The following GABRA2 variants were observed in gnomAD, a reference collection of about 807,000 sequenced individuals.
The protein encoded by GABRA2 is gamma-aminobutyric acid receptor subunit alpha-2.
GABRA2 carries 16 observed loss-of-function variants against 48.7 expected under a neutral mutation model. That is an observed-to-expected ratio of 0.33 (90% CI 0.22 to 0.50). GABRA2 has a LOEUF of 0.50. Among genes scored for constraint, GABRA2 ranks in the 20% least tolerant of loss-of-function variants. The pLI is 0.98. For missense variants in GABRA2, 275 were observed against 535.6 expected, an observed-to-expected ratio of 0.51 and a Z score of 4.80; for synonymous variants, 185 against 184.5, an observed-to-expected ratio of 1.00 and a Z score of -0.02.
At chr4:46,285,401 A>T in intron 8 of GABRA2, among the ~76,000 whole-genome samples, 1 of 152,060 alleles carries the variant, frequency 6.6e-6, no homozygotes. Flanking sequence ...ATAACCTGGC[A>T]GCCTTGACAC....
chr4:46,272,264 G>C (rs750618374), intron 8 of GABRA2, among the ~76,000 whole-genome samples: 1 of 152,042 alleles, frequency 6.6e-6, no homozygotes, highest in East Asian at 1.9e-4. Context: ...ATATGGATTA[G>C]AGCCAGTGTG....
At chr4:46,278,008 A>G (rs1014982339) in intron 8 of GABRA2, among the ~76,000 whole-genome samples, 3 of 152,148 alleles carry the variant, frequency 2.0e-5, no homozygotes, top group Admixed American at 1.3e-4. Flanking sequence ...GTCTCATGTA[A>G]CTCTATCTTA....
chr4:46,368,069 T>C (rs1714318110), intron 3 of GABRA2: 1 of 152,024 alleles, frequency 6.6e-6, no homozygotes, highest in South Asian at 2.1e-4. Context: ...GTGGTGGAAG[T>C]CCATCAATCC....
intron 3 of GABRA2, among the ~76,000 whole-genome samples, chr4:46,349,682 C>T (rs541468846): frequency 1.3e-5 from 2 of 151,956 alleles, no homozygotes; most frequent in East Asian, 1.9e-4. Context: ...CCCTGGATCT[C>T]CTGGATCAGT....
chr4:46,349,620 G>T (rs148199094), intron 3 of GABRA2, among the ~76,000 whole-genome samples: 2 of 152,056 alleles, frequency 1.3e-5, no homozygotes, highest in East Asian at 1.9e-4. Flanking sequence ...ACATTCCAAA[G>T]TTAAATGCAT....
chr4:46,341,138 C>T (rs2109854435), intron 3 of GABRA2, among the ~76,000 whole-genome samples: 1 of 152,000 alleles, frequency 6.6e-6, no homozygotes, highest in South Asian at 2.1e-4. Flanking sequence ...TGTTTTTATA[C>T]TTTCCTTTTA....
rs558830198 is a variant in GABRA2, at chr4:46,246,854, G to A, written c.*3454C>T. 6.6e-6 allele frequency among the ~76,000 whole-genome samples: 1 copy of A among 151,198 alleles called. No homozygotes were observed. The highest frequency in any genetic ancestry group is 1.5e-5 in the Non-Finnish European group (1 of 67,382). ...CCAAAGAACCATGATAATGCAGAAG[G>A]TGACTTGAGCTACTTCCTTTCTTCT... On this transcript the variant is annotated 3_prime_UTR_variant, in exon 10 of 10. Coordinates refer to ENST00000381620, the MANE Select transcript of GABRA2 (RefSeq NM_000807.4).
intron 7 of GABRA2, 60 bp downstream of exon 7, chr4:46,305,508 A>G: frequency 6.7e-7 from 1 of 1,486,292 alleles, no homozygotes; most frequent in South Asian, 1.2e-5. Context: ...CACACTTCCA[A>G]GTCCTTTAAC....
intron 3 of GABRA2, 22 bp downstream of exon 3, chr4:46,386,052 A>G (rs1337623103): frequency 3.4e-6 from 5 of 1,455,060 alleles, no homozygotes; most frequent in African/African-American, 1.4e-5. Flanking sequence ...CGAGAGTTTT[A>G]AAAGAGGAAA....
At chr4:46,371,290 A>G (rs1339880217) in intron 3 of GABRA2, among the ~76,000 whole-genome samples, 1 of 152,190 alleles carries the variant, frequency 6.6e-6, no homozygotes, top group East Asian at 1.9e-4. Context: ...ATCTCTCCAA[A>G]GGGTAAATTT....
In GABRA2 at chr4:46,323,061, T is replaced by C. The variant is rs1362529238; in HGVS notation, c.255+9554A>G. Among the ~76,000 whole-genome samples, 5 of 151,912 alleles carry C rather than the reference T, an allele frequency of 3.3e-5. No homozygotes were observed. The East Asian group carries it at 9.7e-4, about 30-fold the overall frequency. Reference sequence around the variant, plus strand: ...ATTGTTGTCTTTTACAGAATGTATATAGTATAATAATTATATTTTAAAGAA... The same window carrying C: ...ATTGTTGTCTTTTACAGAATGTATACAGTATAATAATTATATTTTAAAGAA... On this transcript the variant is annotated intron_variant, in intron 4 of 9. Transcript: ENST00000381620.
chr4:46,274,565 T>C (rs1334963361), intron 8 of GABRA2, among the ~76,000 whole-genome samples: 2 of 152,144 alleles, frequency 1.3e-5, no homozygotes, highest in Non-Finnish European at 2.9e-5. Context: ...GCCACAGCAA[T>C]GATGTGACTT....
chr4:46,307,930 G>T (rs1162789471), intron 6 of GABRA2, among the ~76,000 whole-genome samples: 1 of 152,120 alleles, frequency 6.6e-6, no homozygotes, highest in Non-Finnish European at 1.5e-5. Context: ...TAAGCCGAGA[G>T]GTCATAATAA....
intron 8 of GABRA2, among the ~76,000 whole-genome samples, chr4:46,270,712 T>C (rs2109398659): frequency 6.6e-6 from 1 of 152,140 alleles, no homozygotes; most frequent in Admixed American, 6.6e-5. Context: ...TATATTTTGG[T>C]TTATTTTACA....
chr4:46,284,784 ATTTTT>A (rs1376187122), intron 8 of GABRA2, among the ~76,000 whole-genome samples: 1 of 151,976 alleles, frequency 6.6e-6, no homozygotes, highest in Admixed American at 6.6e-5. Flanking sequence ...GAGCATATTA[ATTTTT>A]TAAAAAAAAT....
intron 8 of GABRA2, among the ~76,000 whole-genome samples, chr4:46,264,014 T>C (rs889529184): frequency 1.3e-5 from 2 of 151,932 alleles, no homozygotes; most frequent in African/African-American, 4.8e-5. Context: ...CAACATTCTA[T>C]AGTTTTCAGT....
At chr4:46,295,908 A>G (rs1724550775) in intron 8 of GABRA2, among the ~76,000 whole-genome samples, 2 of 152,166 alleles carry the variant, frequency 1.3e-5, no homozygotes, top group African/African-American at 2.4e-5. Flanking sequence ...ATCCACCATT[A>G]TGGTATTCCA....
chr4:46,361,392 G>A (rs1311704779), intron 3 of GABRA2, among the ~76,000 whole-genome samples: 1 of 152,204 alleles, frequency 6.6e-6, no homozygotes, highest in Admixed American at 6.5e-5. Context: ...GAATCCCCAA[G>A]CCTTGGCAGC....
chr4:46,367,270 CAA>C (rs368923686), intron 3 of GABRA2: 8 of 152,058 alleles, frequency 5.3e-5, no homozygotes, highest in African/African-American at 1.7e-4. Context: ...TCTAAGAACC[CAA>C]AATAAGTAGC....
Sources: allele counts gnomAD v4.1 joint callset (sites outside exome capture counted in the v4.1 genomes callset), GRCh38; gene constraint gnomAD v4.1.1; transcripts MANE v1.5; gene names NCBI Gene and HGNC (gene_info 2026-07-23, HGNC 2026-07-21).